RALGPS1: variants seen among roughly 807,000 people sequenced by gnomAD.
RALGPS1 encodes the protein ras-specific guanine nucleotide-releasing factor RalGPS1.
In RALGPS1, 19 loss-of-function variants were observed where a neutral mutation model predicts 78.8. That is an observed-to-expected ratio of 0.24 (90% CI 0.17 to 0.35). The LOEUF (loss-of-function observed/expected upper bound fraction) is 0.35. RALGPS1 is among the 10% of genes least tolerant of loss of function. RALGPS1 has a pLI of 1.00. For missense variants in RALGPS1, 454 were observed against 688.3 expected, an observed-to-expected ratio of 0.66 and a Z score of 3.81; for synonymous variants, 228 against 256.3, an observed-to-expected ratio of 0.89 and a Z score of 1.06.
intron 4 of RALGPS1, among the ~76,000 whole-genome samples, chr9:126,985,891 G>A (rs1352606447): frequency 6.6e-6 from 1 of 152,204 alleles, no homozygotes; most frequent in Admixed American, 6.5e-5. Context: ...GAGTGTGAAT[G>A]GATGCCTGAA....
chr9:127,206,179 C>A (rs1160287475), intron 14 of RALGPS1, among the ~76,000 whole-genome samples: 1 of 152,214 alleles, frequency 6.6e-6, no homozygotes, highest in Non-Finnish European at 1.5e-5. Context: ...CACTGCTGAT[C>A]AGTAGCATCA....
At chr9:127,184,456 G>C in intron 11 of RALGPS1, 1 of 213,556 alleles carries the variant, frequency 4.7e-6, no homozygotes, top group Non-Finnish European at 9.5e-6. Context: ...CAGCTCCCAG[G>C]CTCCACTGTG....
At chr9:127,208,201 A>C (rs909523450) in intron 14 of RALGPS1, among the ~76,000 whole-genome samples, 1 of 152,240 alleles carries the variant, frequency 6.6e-6, no homozygotes, top group Non-Finnish European at 1.5e-5. Flanking sequence ...GGAGACCTGG[A>C]GGTGGCCCTA....
chr9:127,161,400 A>C (rs1243506541), intron 8 of RALGPS1, among the ~76,000 whole-genome samples: 1 of 152,170 alleles, frequency 6.6e-6, no homozygotes, highest in Admixed American at 6.5e-5. Context: ...AGGCCCTGGG[A>C]GGTAAAAAGG....
At chr9:127,201,912 G>A (rs561696888) in intron 14 of RALGPS1, among the ~76,000 whole-genome samples, 122 of 152,230 alleles carry the variant, frequency 8.0e-4, no homozygotes, top group Non-Finnish European at 1.2e-3. Flanking sequence ...AGGCCGCACC[G>A]CTCGAGCAGA....
Position 127,018,046 on chromosome 9 carries a change from G to A in RALGPS1, c.217-16385G>A, listed in dbSNP as rs150531015. ...AGCCTGACCAACATGGTGAAATCCC[G>A]TCTCTACTGAAAATACAAAAACTTA... On this transcript the variant is annotated intron_variant, in intron 4 of 18. Transcript: ENST00000259351. Among the ~76,000 whole-genome samples the A allele has an allele frequency of 3.7e-3, 569 of 151,890 alleles. 2 individuals carry two copies. The highest frequency in any genetic ancestry group is 0.013 in the African/African-American group (533 of 41,418).
intron 7 of RALGPS1, among the ~76,000 whole-genome samples, chr9:127,062,684 C>G (rs1319644302): frequency 6.6e-6 from 1 of 152,128 alleles, no homozygotes; most frequent in Non-Finnish European, 1.5e-5. Context: ...ACTACATTTT[C>G]TACAAATTAA....
At chr9:127,108,764 A>G (rs767982869) in intron 8 of RALGPS1, 2 of 1,568,932 alleles carry the variant, frequency 1.3e-6, no homozygotes, top group South Asian at 2.3e-5. Flanking sequence ...TTCTTTGTGA[A>G]TAGAATCTAT....
chr9:126,938,215 G>T (rs1004760580), intron 1 of RALGPS1, among the ~76,000 whole-genome samples: 11 of 152,196 alleles, frequency 7.2e-5, no homozygotes, highest in Middle Eastern at 3.2e-3. Flanking sequence ...TTGGAAAGGA[G>T]CCAGCTCTCT....
intron 8 of RALGPS1, among the ~76,000 whole-genome samples, chr9:127,083,767 A>G (rs913491848): frequency 2.6e-5 from 4 of 152,164 alleles, no homozygotes; most frequent in Admixed American, 2.6e-4. Context: ...TTGGTCTTTG[A>G]GGTGCTAGGC....
chr9:127,151,558 G>A (rs573889358), intron 8 of RALGPS1, among the ~76,000 whole-genome samples: 347 of 152,318 alleles, frequency 2.3e-3, no homozygotes, highest in Non-Finnish European at 4.4e-3. Context: ...CAATTACAGC[G>A]GAGGGGAAAG....
chr9:127,092,012 A>G, intron 8 of RALGPS1: 1 of 1,567,970 alleles, frequency 6.4e-7, no homozygotes, highest in East Asian at 2.2e-5. Flanking sequence ...GCTGTCAGAC[A>G]CTCAGCCCTG....
chr9:127,209,795 A>G (rs1259915942), intron 14 of RALGPS1, among the ~76,000 whole-genome samples: 2 of 152,124 alleles, frequency 1.3e-5, no homozygotes, highest in Non-Finnish European at 2.9e-5. Flanking sequence ...GCGGCCCCAC[A>G]CTACCCACAG....
At chr9:126,946,670 C>G (rs1043395258) in intron 1 of RALGPS1, among the ~76,000 whole-genome samples, 1 of 151,884 alleles carries the variant, frequency 6.6e-6, no homozygotes, top group African/African-American at 2.4e-5. Context: ...ATTCAGGCTT[C>G]CAGAATAGCA....
intron 8 of RALGPS1, among the ~76,000 whole-genome samples, chr9:127,141,117 C>T (rs1043557553): frequency 6.6e-6 from 1 of 152,082 alleles, no homozygotes; most frequent in African/African-American, 2.4e-5. Flanking sequence ...GAGATTTCCT[C>T]CAGCAGCGCT....
intron 14 of RALGPS1, chr9:127,210,474 G>A (rs933717571): frequency 3.5e-5 from 20 of 572,178 alleles, no homozygotes; most frequent in Admixed American, 9.3e-5. Flanking sequence ...AGAATTACGC[G>A]GAGACTTGGA....
In RALGPS1 at chr9:127,179,067, A is replaced by G. The variant is rs553248205; in HGVS notation, c.910+4285A>G. On this transcript the variant is annotated intron_variant, in intron 11 of 18. Coordinates refer to ENST00000259351, the MANE Select transcript of RALGPS1 (RefSeq NM_014636.3). ...GCACCTGGTCCTCAGAGGCAGCTCC[A>G]GAGTGGGCTGACTGCTGACTCGGCA... Among the ~76,000 whole-genome samples, 3 of 152,360 alleles carry G rather than the reference A, an allele frequency of 2.0e-5. No individual in the cohort carries two copies. In the South Asian group the frequency reaches 6.2e-4, roughly 32 times the overall value.
In RALGPS1 at chr9:127,187,400, C is replaced by T. The variant is rs1292335724; in HGVS notation, c.911-7691C>T. ...CCCCAGCCACCACAAGAGTGCGGCA[C>T]ACCTGGGATCAAGTCCTGCCTCCAG... On this transcript the variant is annotated intron_variant, in intron 11 of 18. Transcript: ENST00000259351. Among the ~76,000 whole-genome samples, 3 of 152,232 alleles carry T rather than the reference C, an allele frequency of 2.0e-5. No individual in the cohort carries two copies. The East Asian group carries it at 5.8e-4, about 29-fold the overall frequency.
chr9:126,934,381 A>G (rs1304090029), intron 1 of RALGPS1, among the ~76,000 whole-genome samples: 2 of 152,206 alleles, frequency 1.3e-5, no homozygotes, highest in African/African-American at 2.4e-5. Flanking sequence ...TCCAGCATGT[A>G]TTCCTGGTAA....
Sources: gnomAD v4.1 joint callset for allele counts (sites outside exome capture counted in the v4.1 genomes callset) on GRCh38, gnomAD v4.1.1 for gene constraint, MANE v1.5 for transcripts, NCBI Gene and HGNC (gene_info 2026-07-23, HGNC 2026-07-21) for gene names.